Variants in SFXN5 observed in about 807,000 individuals in gnomAD.
SFXN5 encodes the protein sideroflexin 5.
In SFXN5, 43 loss-of-function variants were observed where a neutral mutation model predicts 50.2. The observed-to-expected ratio is 0.86, with a 90% CI of 0.67 to 1.11. The LOEUF (loss-of-function observed/expected upper bound fraction) is 1.11. Among genes scored for constraint, SFXN5 ranks in the 50% least tolerant of loss-of-function variants. The pLI, the probability that SFXN5 is intolerant of heterozygous loss-of-function variation, is 0.00. For missense variants in SFXN5, 463 were observed against 454.1 expected (o/e 1.02, Z -0.18); for synonymous variants, 203 against 185.8 (o/e 1.09, Z -0.75).
chr2:72,956,637 T>C (rs576229166), intron 13 of SFXN5, among the ~76,000 whole-genome samples: 2 of 152,170 alleles, frequency 1.3e-5, no homozygotes, highest in African/African-American at 2.4e-5. Context: ...AGTTTCCTCA[T>C]TGGTAAACAA....
intron 6 of SFXN5, among the ~76,000 whole-genome samples, chr2:73,004,668 G>T (rs1352975249): frequency 6.6e-6 from 1 of 152,046 alleles, no homozygotes; most frequent in African/African-American, 2.4e-5. Flanking sequence ...GAGGTTAGAA[G>T]ACAGGAACAC....
rs1671603709 is a variant in SFXN5 at position 72,943,144 on chromosome 2, GCAGGTGGGCTGCTCCT to G, written c.*1862_*1877del. 6.6e-6 allele frequency: 1 copy of G among 152,276 alleles called. No homozygotes were observed. Among genetic ancestry groups the G allele is most frequent in the South Asian group, 2.1e-4 (1 of 4,828 alleles). The allele number at this position is 152,276 out of a possible 1,614,324, so 9.4% of individuals were successfully genotyped here. ...ACCCTTCTCCCCCTCCTCACGGGCAGCAGGTGGGCTGCTCCTCAGGAGAGTGGCAGGCCCCTCAGGG... is the reference window on the plus strand; with the variant it reads ...ACCCTTCTCCCCCTCCTCACGGGCAGCAGGAGAGTGGCAGGCCCCTCAGGG... On this transcript the variant is annotated 3_prime_UTR_variant, in exon 14 of 14. Coordinates refer to ENST00000272433, the MANE Select transcript of SFXN5 (RefSeq NM_144579.3).
At chr2:72,965,434 G>A (rs949150118) in intron 12 of SFXN5, among the ~76,000 whole-genome samples, 4 of 152,146 alleles carry the variant, frequency 2.6e-5, no homozygotes, top group African/African-American at 7.2e-5. Flanking sequence ...CAAGAACCCC[G>A]GGATACAGAA....
At chr2:72,991,932 T>C (rs1268009893) in intron 9 of SFXN5, among the ~76,000 whole-genome samples, 1 of 152,190 alleles carries the variant, frequency 6.6e-6, no homozygotes, top group East Asian at 1.9e-4. Flanking sequence ...TTTAACAGCA[T>C]CCAAATAAGC....
rs571903288 is a variant in SFXN5 at position 72,953,857 on chromosome 2, C to G, written c.945+7274G>C. Among the ~76,000 whole-genome samples the G allele has an allele frequency of 6.6e-6, 1 of 152,336 alleles. No homozygotes were observed. Among genetic ancestry groups the G allele is most frequent in the East Asian group, 1.9e-4 (1 of 5,182 alleles). On this transcript the variant is annotated intron_variant, in intron 13 of 13. Transcript: ENST00000272433. The surrounding 1 kb of genome is among the most constrained non-coding windows in gnomAD (Gnocchi z 4.1). Reference sequence around the variant, plus strand: ...GGGGGACTTTGCTTCTGGTGGCTCACAGCTGTTTAGCCAGGCTGGTTCATC... The same window carrying G: ...GGGGGACTTTGCTTCTGGTGGCTCAGAGCTGTTTAGCCAGGCTGGTTCATC...
intron 1 of SFXN5, chr2:73,071,274 T>A (rs919088638): frequency 1.1e-5 from 4 of 355,796 alleles, no homozygotes; most frequent in Non-Finnish European, 2.1e-5. Context: ...GGAGCGACCC[T>A]GAGCAGCCGC....
At chr2:73,011,996 G>A (rs1273901051) in intron 6 of SFXN5, among the ~76,000 whole-genome samples, 1 of 152,208 alleles carries the variant, frequency 6.6e-6, no homozygotes, top group Non-Finnish European at 1.5e-5. Context: ...CACACTGGAG[G>A]AGAGGGTGCC....
At chr2:72,966,096 G>T (rs970395985) in intron 12 of SFXN5, among the ~76,000 whole-genome samples, 3 of 152,202 alleles carry the variant, frequency 2.0e-5, no homozygotes, top group African/African-American at 4.8e-5. Flanking sequence ...TCCCTCAGTT[G>T]CAGTGTGATG....
chr2:72,961,811 C>T lies in SFXN5; in HGVS notation c.828-563G>A, dbSNP rs1673780517. On this transcript the variant is annotated intron_variant, in intron 12 of 13. Coordinates refer to ENST00000272433, the MANE Select transcript of SFXN5 (RefSeq NM_144579.3). The surrounding 1 kb of genome is among the most constrained non-coding windows in gnomAD (Gnocchi z 4.4). ...CACCTTGTCAATTTCAACCCAAGGGCAACAGAGGGTGCAATGACTCGTCCA... is the reference window on the plus strand; with the variant it reads ...CACCTTGTCAATTTCAACCCAAGGGTAACAGAGGGTGCAATGACTCGTCCA... Among the ~76,000 whole-genome samples, 1 of 152,166 alleles carries T rather than the reference C, an allele frequency of 6.6e-6. No individual in the cohort carries two copies. The highest frequency in any genetic ancestry group is 2.4e-5 in the African/African-American group (1 of 41,432).
intron 2 of SFXN5, chr2:73,044,635 G>C (rs756011393): frequency 6.5e-6 from 1 of 152,780 alleles, no homozygotes; most frequent in African/African-American, 2.4e-5. Context: ...AACTCCGCAG[G>C]AAGTCTTTTC....
intron 12 of SFXN5, among the ~76,000 whole-genome samples, chr2:72,968,122 AACAC>A (rs34361357): frequency 0.2 from 26,875 of 137,024 alleles, 2,715 homozygotes; most frequent in African/African-American, 0.25. Context: ...CACACATGAA[AACAC>A]ACACACACAC....
chr2:73,034,077 A>AG (rs976780731), intron 3 of SFXN5, among the ~76,000 whole-genome samples: 7 of 152,244 alleles, frequency 4.6e-5, no homozygotes, highest in African/African-American at 1.7e-4. Flanking sequence ...CAATGGACAG[A>AG]GGAGCCCAGG....
At position 72,942,345 on chromosome 2, in the gene SFXN5, C is replaced by T. The variant is rs892314266; in HGVS notation, c.*2677G>A. On this transcript the variant is annotated 3_prime_UTR_variant, in exon 14 of 14. Transcript: ENST00000272433. ...TCCACGGCCAGCTTGACATCTTGGT[C>T]CCTGCACCCTCACACTGCTGTCTGG... 2.0e-5 allele frequency: 3 copies of T among 149,686 alleles called. No homozygotes were observed. The highest frequency in any genetic ancestry group is 7.6e-5 in the African/African-American group (3 of 39,638). The allele number at this position is 149,686 out of a possible 1,614,324, so 9.3% of individuals were successfully genotyped here.
intron 13 of SFXN5, among the ~76,000 whole-genome samples, chr2:72,956,497 G>A (rs1673102824): frequency 1.3e-5 from 2 of 152,018 alleles, no homozygotes; most frequent in South Asian, 4.1e-4. Context: ...CCAGAAGTGG[G>A]CCTCCTCTTT....
Position 72,945,530 on chromosome 2 carries a change from G to A in SFXN5, c.946-431C>T, listed in dbSNP as rs984266216. Among the ~76,000 whole-genome samples the A allele has an allele frequency of 8.6e-5, 13 of 151,618 alleles. No homozygotes were observed. Among genetic ancestry groups the A allele is most frequent in the African/African-American group, 1.9e-4 (8 of 41,234 alleles). ...CCCCACCCTCCTGGGCTCCTCAGTC[G>A]CCTGTCCTTCCAGCACCCCACTCAC... On this transcript the variant is annotated intron_variant, in intron 13 of 13. Coordinates refer to ENST00000272433, the MANE Select transcript of SFXN5 (RefSeq NM_144579.3). The surrounding 1 kb of genome is among the most constrained non-coding windows in gnomAD (Gnocchi z 5.8).
chr2:73,045,544 G>T (rs1680213454), intron 2 of SFXN5, among the ~76,000 whole-genome samples: 1 of 152,044 alleles, frequency 6.6e-6, no homozygotes. Flanking sequence ...GGCGGGGGGT[G>T]GGGGTGAGGG....
At position 73,000,437 on chromosome 2, in the gene SFXN5, C is replaced by T. The variant is rs749198727; in HGVS notation, c.462G>A (p.Ala154=). Reference sequence around the variant, plus strand: ...AGAGGGCAGTGATGCTCACCTTGGTCGCATTGCGGTTTGCATAGTTGACAC... The same window carrying T: ...AGAGGGCAGTGATGCTCACCTTGGTTGCATTGCGGTTTGCATAGTTGACAC... ...NACVNYANRN[A]TKPSPASKFI... The change falls in exon 8 of 14, where the codon GCG becomes GCA. Residue 154 remains alanine (A), a synonymous_variant. Transcript: ENST00000272433. The T allele has an allele frequency of 5.1e-6, 8 of 1,557,672 alleles. No homozygotes were observed. The East Asian group carries it at 7.1e-5, about 14-fold the overall frequency.
chr2:73,016,929 A>T (rs991621447), intron 6 of SFXN5, among the ~76,000 whole-genome samples: 4 of 152,202 alleles, frequency 2.6e-5, no homozygotes, highest in African/African-American at 9.6e-5. Flanking sequence ...AACAGAGTAC[A>T]TTGTAGTATG....
chr2:73,006,489 G>T (rs1380640621), intron 6 of SFXN5, among the ~76,000 whole-genome samples: 2 of 152,158 alleles, frequency 1.3e-5, no homozygotes, highest in Non-Finnish European at 2.9e-5. Flanking sequence ...GAGGGTGGTG[G>T]CAGGTGACTA....
Sources: allele counts gnomAD v4.1 joint callset (sites outside exome capture counted in the v4.1 genomes callset), GRCh38; gene constraint gnomAD v4.1.1; non-coding constraint Gnocchi (gnomAD v3.1); transcripts MANE v1.5; gene names NCBI Gene and HGNC (gene_info 2026-07-23, HGNC 2026-07-21).